Variants in ADA observed in about 807,000 individuals in gnomAD.
ADA encodes the protein adenosine aminohydrolase.
A neutral mutation model predicts 49.0 loss-of-function variants in ADA; 45 were observed. The observed-to-expected ratio is 0.92, with a 90% CI of 0.72 to 1.18. The LOEUF is 1.18. Ranked by LOEUF, ADA falls within the 50% of genes most tolerant of loss-of-function variation. The pLI, the probability that ADA is intolerant of heterozygous loss-of-function variation, is 0.00. For missense variants in ADA, 445 were observed against 472.5 expected (o/e 0.94, Z 0.54); for synonymous variants, 173 against 184.2 (o/e 0.94, Z 0.49).
rs1410010771 is a variant in ADA at position 44,624,250 on chromosome 20, C to T, written c.558G>A (p.Glu186=). Residue 186 remains glutamate (E), a synonymous_variant, in exon 6 of 12, where the codon GAG becomes GAA. Coordinates refer to ENST00000372874, the MANE Select transcript of ADA (RefSeq NM_000022.4). ...GCAAGAGGCTGCTTCCTGGGATGGTCTCATCTCCAGCCAGGTCAATGGCTA... is the reference window on the plus strand; with the variant it reads ...GCAAGAGGCTGCTTCCTGGGATGGTTTCATCTCCAGCCAGGTCAATGGCTA... ...TVVAIDLAGD[E]TIPGSSLLPG... 1 of 1,613,984 alleles carries T rather than the reference C, an allele frequency of 6.2e-7. No individual in the cohort carries two copies. The highest frequency in any genetic ancestry group is 1.7e-5 in the Admixed American group (1 of 60,024).
chr20:44,648,383 G>A (rs1374053146), intron 1 of ADA, among the ~76,000 whole-genome samples: 5 of 152,110 alleles, frequency 3.3e-5, no homozygotes, highest in Non-Finnish European at 1.5e-5. Flanking sequence ...ATCCAAGAGT[G>A]GCCAACCTGG....
intron 1 of ADA, among the ~76,000 whole-genome samples, chr20:44,646,535 A>C (rs2065593658): frequency 6.6e-6 from 1 of 150,910 alleles, no homozygotes; most frequent in African/African-American, 2.5e-5. Context: ...GTCCCCAGGA[A>C]GGAAACGCAC....
In ADA at chr20:44,626,535, C is replaced by G; in HGVS notation, c.283G>C (p.Val95Leu). 6.2e-7 allele frequency: 1 copy of G among 1,614,206 alleles called. No individual in the cohort carries two copies. The highest frequency in any genetic ancestry group is 8.5e-7 in the Non-Finnish European group (1 of 1,180,038). ...CTGTACCGCACCTCCACATACACCA[C>G]GCCCTCTTTGGCCTTCATCTCTACA... ...EFVEMKAKEG[V>L]VYVEVRYSPH... Residue 95 changes from valine to leucine, a missense_variant, in exon 4 of 12, where the codon GTG (valine) becomes CTG (leucine). Coordinates refer to ENST00000372874, the MANE Select transcript of ADA (RefSeq NM_000022.4).
intron 4 of ADA, 105 bp from the exon 5 acceptor site, chr20:44,625,789 T>C: frequency 1.1e-6 from 1 of 941,218 alleles, no homozygotes; most frequent in Non-Finnish European, 1.7e-6. Context: ...GGGAGGACCC[T>C]CCTCCCCCAC....
chr20:44,631,990 TC>T (rs1568848966), intron 2 of ADA, among the ~76,000 whole-genome samples: 1 of 152,054 alleles, frequency 6.6e-6, no homozygotes, highest in African/African-American at 2.4e-5. Flanking sequence ...GACGGGCGCC[TC>T]CCCGTGCCCA....
At chr20:44,642,538 G>T (rs561586893) in intron 1 of ADA, among the ~76,000 whole-genome samples, 2 of 152,346 alleles carry the variant, frequency 1.3e-5, no homozygotes, top group African/African-American at 4.8e-5. Flanking sequence ...GAATCAGGAA[G>T]CAGGCGGGGA....
intron 9 of ADA, among the ~76,000 whole-genome samples, chr20:44,622,195 A>G (rs1035774988): frequency 9.8e-5 from 15 of 152,326 alleles, no homozygotes; most frequent in African/African-American, 3.6e-4. Flanking sequence ...CGCTCAGGGG[A>G]ATGCCCAGGG....
At chr20:44,634,980 GC>G (rs2065466822) in intron 2 of ADA, among the ~76,000 whole-genome samples, 1 of 152,254 alleles carries the variant, frequency 6.6e-6, no homozygotes, top group South Asian at 2.1e-4. Flanking sequence ...GTCTGCGGGG[GC>G]AGGGCTGGGT....
chr20:44,624,168 G>T, intron 6 of ADA, 34 bp downstream of exon 6: 1 of 1,584,952 alleles, frequency 6.3e-7, no homozygotes. Flanking sequence ...GCTCACCCAG[G>T]GCCAGCCTCT....
intron 2 of ADA, among the ~76,000 whole-genome samples, chr20:44,635,351 T>TGTA (rs1423077589): frequency 2.0e-5 from 3 of 152,188 alleles, no homozygotes; most frequent in African/African-American, 7.2e-5. Flanking sequence ...ACCCTGATGA[T>TGTA]GTAGTAAAGC....
intron 3 of ADA, among the ~76,000 whole-genome samples, chr20:44,627,106 T>C (rs1600925496): frequency 6.6e-6 from 1 of 151,456 alleles, no homozygotes; most frequent in South Asian, 2.1e-4. Flanking sequence ...TGTCCTACAC[T>C]GCGTCTCTCC....
Position 44,622,993 on chromosome 20 carries a change from G to A in ADA, c.678+14C>T, listed in dbSNP as rs760277918. The A allele has an allele frequency of 1.2e-6, 2 of 1,614,226 alleles. No individual in the cohort carries two copies. Among genetic ancestry groups the A allele is most frequent in the Non-Finnish European group, 8.5e-7 (1 of 1,180,038 alleles). On this transcript the variant is annotated intron_variant, in intron 7 of 11. Coordinates refer to ENST00000372874, the MANE Select transcript of ADA (RefSeq NM_000022.4). ...GCAGTGAGGAGGGACCCCATGGCCAGCCCAGGCCCTCACCTCTTTTACTAC... is the reference window on the plus strand; with the variant it reads ...GCAGTGAGGAGGGACCCCATGGCCAACCCAGGCCCTCACCTCTTTTACTAC...
chr20:44,642,674 C>T (rs1046566637), intron 1 of ADA, among the ~76,000 whole-genome samples: 2 of 152,126 alleles, frequency 1.3e-5, no homozygotes, highest in Admixed American at 1.3e-4. Flanking sequence ...ATCGGAGAGT[C>T]CCCTTTAAAA....
In ADA at chr20:44,629,104, T is replaced by C. The variant is rs750682305; in HGVS notation, c.161A>G (p.Lys54Arg). ...CAGGAAGTCTGGAAGGGTGAGCGGC[T>C]TGTCCATGCCAATGACGTTCAGCAG... ...EGLLNVIGMDKPLTLPDFLAK... is the reference protein window; with the variant it reads ...EGLLNVIGMDRPLTLPDFLAK... Residue 54 changes from lysine (K) to arginine (R), a missense_variant, in exon 3 of 12, where the codon AAG becomes AGG. Lys to Arg is a conservative substitution (Grantham distance 26). Coordinates refer to ENST00000372874, the MANE Select transcript of ADA (RefSeq NM_000022.4). 4 of 1,614,192 alleles carry C rather than the reference T, an allele frequency of 2.5e-6. No homozygotes were observed. In the Admixed American group the frequency reaches 6.7e-5, roughly 27 times the overall value.
intron 1 of ADA, among the ~76,000 whole-genome samples, chr20:44,638,553 G>A (rs1367324760): frequency 6.6e-6 from 1 of 152,142 alleles, no homozygotes; most frequent in Admixed American, 6.5e-5. Context: ...CTCCAGCCTG[G>A]GCGACAAGAG....
chr20:44,639,308 A>G (rs2065509847), intron 1 of ADA, among the ~76,000 whole-genome samples: 2 of 151,780 alleles, frequency 1.3e-5, no homozygotes, highest in South Asian at 2.1e-4. Flanking sequence ...GAGACAGAGA[A>G]CTCTGGAAGA....
intron 2 of ADA, among the ~76,000 whole-genome samples, chr20:44,629,424 G>C (rs1458709886): frequency 1.3e-5 from 2 of 152,132 alleles, no homozygotes; most frequent in East Asian, 3.9e-4. Flanking sequence ...TGAAGTGTGT[G>C]TGTGTGTGTG....
At chr20:44,641,887 C>T (rs552614668) in intron 1 of ADA, among the ~76,000 whole-genome samples, 1 of 151,886 alleles carries the variant, frequency 6.6e-6, no homozygotes, top group Admixed American at 6.6e-5. Flanking sequence ...CGTGCCTCAG[C>T]CTCCCAAGTA....
intron 1 of ADA, among the ~76,000 whole-genome samples, chr20:44,651,207 G>T (rs2065642378): frequency 6.6e-6 from 1 of 152,216 alleles, no homozygotes; most frequent in Non-Finnish European, 1.5e-5. Context: ...CACAGCACTA[G>T]GTGCCTATCC....
Sources: allele counts gnomAD v4.1 joint callset (sites outside exome capture counted in the v4.1 genomes callset), GRCh38; gene constraint gnomAD v4.1.1; transcripts MANE v1.5; gene names NCBI Gene and HGNC (gene_info 2026-07-23, HGNC 2026-07-21).